Variants in TMEM178B observed in about 807,000 individuals in gnomAD.
The protein encoded by TMEM178B is transmembrane protein 178B.
A neutral mutation model predicts 31.0 loss-of-function variants in TMEM178B; 5 were observed. That is an observed-to-expected ratio of 0.16 (90% CI 0.08 to 0.34). The LOEUF (loss-of-function observed/expected upper bound fraction) is 0.34. TMEM178B is among the 10% of genes least tolerant of loss of function. TMEM178B has a pLI of 1.00. For synonymous variants in TMEM178B, 164 were observed against 164.0 expected (o/e 1.00, Z 0.00); for missense variants, 275 against 400.3 (o/e 0.69, Z 2.67).
At chr7:141,149,145 G>T (rs1450355970) in intron 1 of TMEM178B, among the ~76,000 whole-genome samples, 1 of 152,236 alleles carries the variant, frequency 6.6e-6, no homozygotes, top group Non-Finnish European at 1.5e-5. Flanking sequence ...ACTAGTAAAA[G>T]AGAAGACTGC....
chr7:141,443,534 T>C (rs1400217262), intron 3 of TMEM178B, among the ~76,000 whole-genome samples: 1 of 152,228 alleles, frequency 6.6e-6, no homozygotes, highest in Non-Finnish European at 1.5e-5. Flanking sequence ...ACGATTAGAC[T>C]GGGTTAGGGG....
intron 2 of TMEM178B, among the ~76,000 whole-genome samples, chr7:141,379,025 GA>G: frequency 6.6e-6 from 1 of 152,220 alleles, no homozygotes; most frequent in African/African-American, 2.4e-5. Context: ...CTGCTTGGGG[GA>G]AGCACAGAGC....
At chr7:141,174,101 C>A (rs996866269) in intron 1 of TMEM178B, among the ~76,000 whole-genome samples, 8 of 152,168 alleles carry the variant, frequency 5.3e-5, no homozygotes, top group Non-Finnish European at 1.0e-4. Context: ...AATGCTATCG[C>A]TCCCCTAGCA....
chr7:141,220,588 C>T (rs17566000), intron 2 of TMEM178B, among the ~76,000 whole-genome samples: 37,033 of 151,998 alleles, frequency 0.24, 5,876 homozygotes, highest in Non-Finnish European at 0.36. Context: ...CTGTTAAAAA[C>T]ATCCACGTCC....
intron 1 of TMEM178B, among the ~76,000 whole-genome samples, chr7:141,188,194 TGGCTAAACCCAC>T: frequency 6.6e-6 from 1 of 152,302 alleles, no homozygotes; most frequent in Admixed American, 6.5e-5. Flanking sequence ...TTGTGTGTAA[TGGCTAAACCCAC>T]ATCTTCACAC....
rs1563191788 is a variant in TMEM178B, at chr7:141,472,622, A to G, written c.*1836A>G. Reference sequence around the variant, plus strand: ...GAATCCCCTTGTTTCATAAACAAATATGCTTTGGGAGCTTTGCCAGGCACT... The same window carrying G: ...GAATCCCCTTGTTTCATAAACAAATGTGCTTTGGGAGCTTTGCCAGGCACT... On this transcript the variant is annotated 3_prime_UTR_variant, in exon 4 of 4. Coordinates refer to ENST00000565468, the MANE Select transcript of TMEM178B (RefSeq NM_001195278.2). 1 of 152,190 alleles carries G rather than the reference A, an allele frequency of 6.6e-6. No homozygotes were observed. 9.4% of individuals were successfully genotyped at this position (152,190 alleles called of 1,614,324 possible).
intron 2 of TMEM178B, among the ~76,000 whole-genome samples, chr7:141,263,637 A>G (rs1421807367): frequency 6.6e-6 from 1 of 152,180 alleles, no homozygotes; most frequent in African/African-American, 2.4e-5. Context: ...GGTTTGCCTT[A>G]TGATGACGAC....
chr7:141,381,754 T>C lies in TMEM178B; in HGVS notation c.497-55854T>C, dbSNP rs141533124. 1.0e-3 allele frequency among the ~76,000 whole-genome samples: 155 copies of C among 152,334 alleles called. 1 individual carries two copies. The highest frequency in any genetic ancestry group is 3.5e-3 in the African/African-American group (145 of 41,570). ...TTTTATGTCTTAGGACAATGACAGT[T>C]CAGATCCCCCCCTTTTGCCCACAAG... is the stretch of plus-strand genomic sequence containing the variant. On this transcript the variant is annotated intron_variant, in intron 2 of 3. Transcript: ENST00000565468.
At chr7:141,327,909 A>T (rs1407019801) in intron 2 of TMEM178B, among the ~76,000 whole-genome samples, 1 of 152,204 alleles carries the variant, frequency 6.6e-6, no homozygotes, top group Non-Finnish European at 1.5e-5. Context: ...AGTGTAAGTC[A>T]GTAACACGTT....
intron 2 of TMEM178B, among the ~76,000 whole-genome samples, chr7:141,255,573 A>G (rs1797913273): frequency 6.6e-6 from 1 of 152,258 alleles, no homozygotes; most frequent in African/African-American, 2.4e-5. Context: ...ATTTTAAAGT[A>G]TAAGGACAAT....
chr7:141,268,151 C>G lies in TMEM178B; in HGVS notation c.496+55447C>G, dbSNP rs76406519. Among the ~76,000 whole-genome samples the G allele has an allele frequency of 8.5e-3, 1,292 of 152,310 alleles. 45 individuals carry two copies. Among genetic ancestry groups the G allele is most frequent in the Admixed American group, 0.061 (937 of 15,304 alleles). Reference sequence around the variant, plus strand: ...TTGCACCAAAATAAACTCGCACTAACTTGCAATAACATGTCTGATCAGGAC... The same window carrying G: ...TTGCACCAAAATAAACTCGCACTAAGTTGCAATAACATGTCTGATCAGGAC... On this transcript the variant is annotated intron_variant, in intron 2 of 3. Coordinates refer to ENST00000565468, the MANE Select transcript of TMEM178B (RefSeq NM_001195278.2).
chr7:141,312,196 C>T (rs561394743), intron 2 of TMEM178B, among the ~76,000 whole-genome samples: 1 of 152,322 alleles, frequency 6.6e-6, no homozygotes, highest in East Asian at 1.9e-4. Context: ...TATCCAACTA[C>T]CTAATGGTTG....
chr7:141,207,416 A>G (rs749299028), intron 1 of TMEM178B, among the ~76,000 whole-genome samples: 8 of 152,158 alleles, frequency 5.3e-5, no homozygotes, highest in Non-Finnish European at 8.8e-5. Flanking sequence ...AGCATGCAAG[A>G]GTTTCGCTTT....
chr7:141,411,290 C>CT (rs1800984802), intron 2 of TMEM178B, among the ~76,000 whole-genome samples: 1 of 152,040 alleles, frequency 6.6e-6, no homozygotes, highest in African/African-American at 2.4e-5. Context: ...GAGTTAATGC[C>CT]TAATGGGGAC....
chr7:141,078,315 A>G (rs1794628966), intron 1 of TMEM178B, among the ~76,000 whole-genome samples: 1 of 152,244 alleles, frequency 6.6e-6, no homozygotes, highest in South Asian at 2.1e-4. Flanking sequence ...TGAAATAAGT[A>G]GAACTTCAAC....
chr7:141,148,228 C>G (rs1795887309), intron 1 of TMEM178B, among the ~76,000 whole-genome samples: 1 of 152,158 alleles, frequency 6.6e-6, no homozygotes, highest in Non-Finnish European at 1.5e-5. Flanking sequence ...CTTCTTGCCT[C>G]TCTTTTACAA....
chr7:141,466,570 G>A (rs1467048328), intron 3 of TMEM178B, among the ~76,000 whole-genome samples: 3 of 152,142 alleles, frequency 2.0e-5, no homozygotes, highest in African/African-American at 7.2e-5. Flanking sequence ...AGCATAGCAT[G>A]GCTTTTGATA....
At chr7:141,210,913 T>G (rs1256402347) in intron 1 of TMEM178B, among the ~76,000 whole-genome samples, 2 of 152,110 alleles carry the variant, frequency 1.3e-5, no homozygotes, top group Non-Finnish European at 2.9e-5. Flanking sequence ...GGTGACCAGC[T>G]GGATGTCAGG....
intron 1 of TMEM178B, among the ~76,000 whole-genome samples, chr7:141,180,751 T>C (rs745602842): frequency 3.9e-5 from 6 of 152,324 alleles, no homozygotes; most frequent in Middle Eastern, 6.8e-3. Context: ...TCTCAAATTG[T>C]ATAATTATCT....
Sources: gnomAD v4.1 joint callset for allele counts (sites outside exome capture counted in the v4.1 genomes callset) on GRCh38, gnomAD v4.1.1 for gene constraint, MANE v1.5 for transcripts, NCBI Gene and HGNC (gene_info 2026-07-23, HGNC 2026-07-21) for gene names.